Variants in POFUT3 observed in about 807,000 individuals in gnomAD.
POFUT3 encodes protein O-fucosyltransferase 3.
chr8:33,358,489 T>C, the POFUT3 span, among the ~76,000 whole-genome samples: 1 of 152,150 alleles, frequency 6.6e-6, no homozygotes, highest in Admixed American at 6.5e-5. Flanking sequence ...ATATGGACTG[T>C]GTATTAAATA....
chr8:33,428,110 G>A, the POFUT3 span, among the ~76,000 whole-genome samples: 14 of 152,206 alleles, frequency 9.2e-5, no homozygotes, highest in East Asian at 2.3e-3. Context: ...GCGACAGAGC[G>A]AGACTCCGTC....
chr8:33,413,295 T>G, the POFUT3 span, among the ~76,000 whole-genome samples: 1 of 152,104 alleles, frequency 6.6e-6, no homozygotes, highest in Non-Finnish European at 1.5e-5. Context: ...ATAGGATTAG[T>G]GCTCTTCTAA....
At chr8:33,326,364 C>T in the POFUT3 span, among the ~76,000 whole-genome samples, 10 of 152,102 alleles carry the variant, frequency 6.6e-5, no homozygotes, top group African/African-American at 2.2e-4. Flanking sequence ...TCCAAAACCC[C>T]ACTCTACGTC....
At chr8:33,380,890 T>C in the POFUT3 span, among the ~76,000 whole-genome samples, 6 of 151,604 alleles carry the variant, frequency 4.0e-5, no homozygotes, top group African/African-American at 7.3e-5. Context: ...TCCCAGCACT[T>C]TGGAGGGCCA....
chr8:33,368,282 G>A, the POFUT3 span, among the ~76,000 whole-genome samples: 1,749 of 152,214 alleles, frequency 0.011, 46 homozygotes, highest in East Asian at 0.1. Context: ...CCAATGACTC[G>A]AGAGGACAAT....
At chr8:33,372,883 TA>T in the POFUT3 span, 1 of 1,291,498 alleles carries the variant, frequency 7.7e-7, no homozygotes, top group Non-Finnish European at 1.1e-6. Context: ...AGACTTTCCT[TA>T]AAACAACAGC....
At chr8:33,330,507 G>A in the POFUT3 span, among the ~76,000 whole-genome samples, 1 of 152,140 alleles carries the variant, frequency 6.6e-6, no homozygotes, top group South Asian at 2.1e-4. Flanking sequence ...TAGCAGGGAA[G>A]ACAAACATGC....
At chr8:33,374,587 C>A in the POFUT3 span, among the ~76,000 whole-genome samples, 2 of 152,068 alleles carry the variant, frequency 1.3e-5, no homozygotes, top group Admixed American at 6.6e-5. Context: ...CTAGACTCTG[C>A]AGTTTAGCAA....
chr8:33,405,950 G>A, the POFUT3 span, among the ~76,000 whole-genome samples: 1 of 152,092 alleles, frequency 6.6e-6, no homozygotes, highest in Non-Finnish European at 1.5e-5. Context: ...AAACTTGGAG[G>A]GAAAACTGGT....
At chr8:33,465,607 C>T in the POFUT3 span, among the ~76,000 whole-genome samples, 10 of 152,118 alleles carry the variant, frequency 6.6e-5, no homozygotes, top group Non-Finnish European at 8.8e-5. Context: ...GGACTACAGG[C>T]GCGTGCCACC....
the POFUT3 span, chr8:33,436,356 G>T: frequency 7.4e-7 from 1 of 1,347,794 alleles, no homozygotes; most frequent in Non-Finnish European, 1.1e-6. Context: ...GTGTAAGAAG[G>T]CATCATCTTT....
chr8:33,464,446 A>C, the POFUT3 span, among the ~76,000 whole-genome samples: 1 of 152,204 alleles, frequency 6.6e-6, no homozygotes, highest in Non-Finnish European at 1.5e-5. Context: ...AACTTGACCA[A>C]GACTCTAACT....
the POFUT3 span, among the ~76,000 whole-genome samples, chr8:33,366,181 C>A: frequency 0.01 from 1,528 of 152,316 alleles, 20 homozygotes; most frequent in Middle Eastern, 0.041. Context: ...ACTGCATGTT[C>A]TCACCCATAG....
chr8:33,453,318 C>T, the POFUT3 span: 3 of 1,614,196 alleles, frequency 1.9e-6, no homozygotes, highest in African/African-American at 1.3e-5. Flanking sequence ...CCAGTCTCCC[C>T]CGTCAGCGGG....
chr8:33,402,265 T>C, the POFUT3 span, among the ~76,000 whole-genome samples: 1 of 152,200 alleles, frequency 6.6e-6, no homozygotes, highest in African/African-American at 2.4e-5. Flanking sequence ...CTGAAACTAA[T>C]GATCAAGATA....
chr8:33,424,069 G>A, the POFUT3 span, among the ~76,000 whole-genome samples: 1 of 151,760 alleles, frequency 6.6e-6, no homozygotes. Flanking sequence ...AACCCAGGAG[G>A]CGGAGGTTGC....
the POFUT3 span, among the ~76,000 whole-genome samples, chr8:33,416,515 C>T: frequency 3.3e-5 from 5 of 151,984 alleles, no homozygotes; most frequent in Admixed American, 1.3e-4. Flanking sequence ...AGTTCAAGAC[C>T]AGCCTGGCCA....
the POFUT3 span, among the ~76,000 whole-genome samples, chr8:33,426,335 G>C: frequency 6.6e-6 from 1 of 152,180 alleles, no homozygotes; most frequent in Non-Finnish European, 1.5e-5. Context: ...GACTGTCCCA[G>C]CTTCATTTTG....
chr8:33,418,928 A>T, the POFUT3 span, among the ~76,000 whole-genome samples: 1 of 152,136 alleles, frequency 6.6e-6, no homozygotes, highest in East Asian at 1.9e-4. Context: ...TTGCAGCAAC[A>T]TGGATGGAAC....
Sources: gnomAD v4.1 joint callset for allele counts (sites outside exome capture counted in the v4.1 genomes callset) on GRCh38, gnomAD v4.1.1 for gene constraint, MANE v1.5 for transcripts, NCBI Gene and HGNC (gene_info 2026-07-23, HGNC 2026-07-21) for gene names.